The following RAP1B variants were observed in gnomAD, a reference collection of about 807,000 sequenced individuals.
RAP1B encodes ras-related protein Rap-1b.
A neutral mutation model predicts 27.5 loss-of-function variants in RAP1B; 1 was observed. That is an observed-to-expected ratio of 0.04 (90% CI 0.01 to 0.17). The LOEUF (loss-of-function observed/expected upper bound fraction) is 0.17, where lower values mean the gene tolerates loss of function less well. RAP1B is among the 10% of genes least tolerant of loss of function. RAP1B has a pLI of 1.00. For synonymous variants in RAP1B, 75 were observed against 73.1 expected (o/e 1.03, Z -0.13); for missense variants, 84 against 214.8 (o/e 0.39, Z 3.81).
chr12:68,660,287 A>G lies in RAP1B; in HGVS notation c.*1038A>G, dbSNP rs1434246158. 2.9e-5 allele frequency: 4 copies of G among 139,028 alleles called. No homozygotes were observed. The highest frequency in any genetic ancestry group is 2.7e-5 in the African/African-American group (1 of 36,438). 8.6% of individuals were successfully genotyped at this position (139,028 alleles called of 1,614,324 possible). A position where few individuals can be genotyped will look rare whatever the true frequency, so the allele number is the denominator to read the frequency against. Reference sequence around the variant, plus strand: ...TCACAAGGCCTAATTTGCAGTAACTATTGCTGTTTTATTTAACAATGCCTT... The same window carrying G: ...TCACAAGGCCTAATTTGCAGTAACTGTTGCTGTTTTATTTAACAATGCCTT... On this transcript the variant is annotated 3_prime_UTR_variant, in exon 8 of 8. Coordinates refer to ENST00000250559, the MANE Select transcript of RAP1B (RefSeq NM_001010942.3).
chr12:68,656,703 C>A (rs1040529739), intron 6 of RAP1B: 19 of 554,712 alleles, frequency 3.4e-5, no homozygotes, highest in Middle Eastern at 4.6e-4. Context: ...ATAGGGAAGA[C>A]AGATTAAGAC....
chr12:68,645,895 A>T (rs1332491175), intron 1 of RAP1B, among the ~76,000 whole-genome samples: 1 of 152,244 alleles, frequency 6.6e-6, no homozygotes, highest in African/African-American at 2.4e-5. Flanking sequence ...CCAAACTGGA[A>T]ATCAGCTGGT....
intron 1 of RAP1B, chr12:68,641,216 G>C (rs527893452): frequency 6.6e-6 from 1 of 152,406 alleles, no homozygotes; most frequent in African/African-American, 2.4e-5. Context: ...TCACCATGTT[G>C]CCCGGGCTGG....
At chr12:68,622,215 C>T (rs947739294) in intron 1 of RAP1B, among the ~76,000 whole-genome samples, 2 of 152,174 alleles carry the variant, frequency 1.3e-5, no homozygotes, top group African/African-American at 4.8e-5. Flanking sequence ...CTTTCAAATG[C>T]TGTGTTTCTG....
intron 1 of RAP1B, among the ~76,000 whole-genome samples, chr12:68,648,288 A>G (rs1873564245): frequency 6.6e-6 from 1 of 152,136 alleles, no homozygotes; most frequent in Non-Finnish European, 1.5e-5. Context: ...TCCTCTACCA[A>G]CATATTATAT....
chr12:68,651,791 T>C, intron 3 of RAP1B: 5 of 517,122 alleles, frequency 9.7e-6, no homozygotes, highest in Non-Finnish European at 1.8e-5. Flanking sequence ...ACATGGCTTT[T>C]GAACTTGATT....
intron 5 of RAP1B, among the ~76,000 whole-genome samples, chr12:68,655,640 A>C (rs953397020): frequency 6.6e-6 from 1 of 151,534 alleles, no homozygotes; most frequent in Non-Finnish European, 1.5e-5. Context: ...AGTTCAAGCA[A>C]TTCTCCTGTG....
chr12:68,646,155 A>G (rs890933731), intron 1 of RAP1B, among the ~76,000 whole-genome samples: 1 of 152,256 alleles, frequency 6.6e-6, no homozygotes, highest in Non-Finnish European at 1.5e-5. Context: ...TACGTCTCTT[A>G]GAAAAATCAC....
intron 1 of RAP1B, among the ~76,000 whole-genome samples, chr12:68,618,516 T>C (rs1384555518): frequency 6.6e-6 from 1 of 152,232 alleles, no homozygotes; most frequent in Non-Finnish European, 1.5e-5. Context: ...TTTCAAGGTA[T>C]GGTCCAAGGA....
chr12:68,616,617 A>G (rs1035671790), intron 1 of RAP1B, among the ~76,000 whole-genome samples: 8 of 151,816 alleles, frequency 5.3e-5, no homozygotes, highest in Non-Finnish European at 1.0e-4. Flanking sequence ...TATTTTTAGT[A>G]GAGAGGGGAT....
intron 6 of RAP1B, 45 bp downstream of exon 6, chr12:68,656,494 C>T: frequency 6.4e-7 from 1 of 1,550,578 alleles, no homozygotes; most frequent in Non-Finnish European, 8.9e-7. Context: ...TGAAGTACAA[C>T]ATTGAAGATG....
Position 68,650,501 on chromosome 12 carries a change from G to T in RAP1B, c.126+33G>T, listed in dbSNP as rs12310406. 13,612 of 1,396,192 alleles carry T rather than the reference G, an allele frequency of 9.7e-3. 1,109 individuals carry two copies. The African/African-American group carries it at 0.18, about 18-fold the overall frequency. The allele number at this position is 1,396,192 out of a possible 1,614,324, so 86.5% of individuals were successfully genotyped here. A position where few individuals can be genotyped will look rare whatever the true frequency, so the allele number is the denominator to read the frequency against. On this transcript the variant is annotated intron_variant, in intron 3 of 7. Transcript: ENST00000250559. ...TTACTTTGGAAGGCCTTTTGCTTTTGATTTTAATATAAATACTTATTTTAG... is the reference window on the plus strand; with the variant it reads ...TTACTTTGGAAGGCCTTTTGCTTTTTATTTTAATATAAATACTTATTTTAG...
intron 1 of RAP1B, among the ~76,000 whole-genome samples, chr12:68,643,507 A>G (rs1873172663): frequency 6.6e-6 from 1 of 152,216 alleles, no homozygotes; most frequent in South Asian, 2.1e-4. Flanking sequence ...GTAGTTAAGC[A>G]TCTCTTAGTC....
intron 1 of RAP1B, among the ~76,000 whole-genome samples, chr12:68,612,971 TTTG>T (rs1362410189): frequency 2.0e-5 from 3 of 152,334 alleles, no homozygotes; most frequent in African/African-American, 7.2e-5. Flanking sequence ...ATGTAGCCAG[TTTG>T]TTGTTTTTAA....
intron 1 of RAP1B, among the ~76,000 whole-genome samples, chr12:68,612,432 CGGAA>C (rs1206415830): frequency 6.6e-6 from 1 of 151,994 alleles, no homozygotes; most frequent in Non-Finnish European, 1.5e-5. Context: ...TTTTAAGGGC[CGGAA>C]GGGACTATTT....
chr12:68,612,488 CTG>C (rs1433157910), intron 1 of RAP1B, among the ~76,000 whole-genome samples: 3 of 152,154 alleles, frequency 2.0e-5, no homozygotes, highest in African/African-American at 7.2e-5. Flanking sequence ...GAGGAGGAAA[CTG>C]AGGCCTAGAT....
chr12:68,654,302 A>C, intron 5 of RAP1B, 50 bp downstream of exon 5: 1 of 1,052,122 alleles, frequency 9.5e-7, no homozygotes, highest in Non-Finnish European at 1.2e-6. Context: ...CCTGATTATA[A>C]TTGTTTAAGT....
chr12:68,614,482 ACTG>A (rs1870836665), intron 1 of RAP1B, among the ~76,000 whole-genome samples: 1 of 152,184 alleles, frequency 6.6e-6, no homozygotes, highest in African/African-American at 2.4e-5. Context: ...TTAGCTATTT[ACTG>A]CTGTTTTATA....
In RAP1B at chr12:68,663,693, C is replaced by T. The variant is rs1443320095; in HGVS notation, c.*4444C>T. ...CTGTTGGTGGCCTGTAGGTTACTGA[C>T]CTTAGGAATTACAGGCTTTATCCAA... On this transcript the variant is annotated 3_prime_UTR_variant, in exon 8 of 8. Transcript: ENST00000250559. 2 of 152,152 alleles carry T rather than the reference C, an allele frequency of 1.3e-5. No homozygotes were observed. The highest frequency in any genetic ancestry group is 4.8e-5 in the African/African-American group (2 of 41,442). 9.4% of individuals were successfully genotyped at this position (152,152 alleles called of 1,614,324 possible). A position where few individuals can be genotyped will look rare whatever the true frequency, so the allele number is the denominator to read the frequency against.
Sources: allele counts gnomAD v4.1 joint callset (sites outside exome capture counted in the v4.1 genomes callset), GRCh38; gene constraint gnomAD v4.1.1; transcripts MANE v1.5; gene names NCBI Gene and HGNC (gene_info 2026-07-23, HGNC 2026-07-21).